The following TMEM232 variants were observed in gnomAD, a reference collection of about 807,000 sequenced individuals.
TMEM232 encodes transmembrane protein 232.
A neutral mutation model predicts 78.8 loss-of-function variants in TMEM232; 80 were observed. That is an observed-to-expected ratio of 1.01 (90% CI 0.85 to 1.22). The LOEUF is 1.22. TMEM232 is among the 50% of genes most tolerant of loss of function. The probability of loss-of-function intolerance (pLI) is 0.00; values close to 1 mark genes in which losing one functional copy is unlikely to be tolerated. For synonymous variants in TMEM232, 297 were observed against 254.3 expected (o/e 1.17, Z -1.60); for missense variants, 881 against 742.2 (o/e 1.19, Z -2.17).
intron 1 of TMEM232, among the ~76,000 whole-genome samples, chr5:110,707,912 C>A (rs1223565059): frequency 1.3e-5 from 2 of 152,128 alleles, no homozygotes. Flanking sequence ...CACCCCGGGC[C>A]AAAAGGAAAC....
intron 12 of TMEM232, among the ~76,000 whole-genome samples, chr5:110,443,169 A>T (rs1759254988): frequency 6.6e-6 from 1 of 152,066 alleles, no homozygotes; most frequent in Non-Finnish European, 1.5e-5. Context: ...TCCCTTCAGG[A>T]CATTGTGCTC....
At chr5:110,438,631 C>G (rs1445956674) in intron 12 of TMEM232, among the ~76,000 whole-genome samples, 1 of 151,954 alleles carries the variant, frequency 6.6e-6, no homozygotes, top group Admixed American at 6.6e-5. Flanking sequence ...TTTCCGCAAG[C>G]AGAATTTGCA....
chr5:110,671,478 G>A (rs1268055784), intron 1 of TMEM232, among the ~76,000 whole-genome samples: 2 of 152,128 alleles, frequency 1.3e-5, no homozygotes, highest in Non-Finnish European at 2.9e-5. Flanking sequence ...ATTCACAATA[G>A]CACAGACTTG....
At chr5:110,659,181 A>C (rs1005195098) in intron 2 of TMEM232, among the ~76,000 whole-genome samples, 5 of 152,166 alleles carry the variant, frequency 3.3e-5, no homozygotes, top group African/African-American at 1.2e-4. Context: ...TCAGTGGATA[A>C]ATTAATAATC....
At chr5:110,649,458 G>C (rs1787986372) in intron 2 of TMEM232, among the ~76,000 whole-genome samples, 1 of 151,958 alleles carries the variant, frequency 6.6e-6, no homozygotes, top group Non-Finnish European at 1.5e-5. Context: ...AAATATACAA[G>C]TGTTTATACT....
At chr5:110,505,836 A>G (rs1766823427) in intron 12 of TMEM232, among the ~76,000 whole-genome samples, 1 of 152,070 alleles carries the variant, frequency 6.6e-6, no homozygotes, top group Admixed American at 6.6e-5. Context: ...ATACTCACAT[A>G]ATTATACAAA....
At chr5:110,492,017 A>T (rs144250922) in intron 12 of TMEM232, among the ~76,000 whole-genome samples, 71 of 152,052 alleles carry the variant, frequency 4.7e-4, no homozygotes, top group South Asian at 4.1e-3. Context: ...CTTCAGTGCA[A>T]TCATACAGAC....
intron 1 of TMEM232, among the ~76,000 whole-genome samples, chr5:110,722,451 G>C (rs1327832989): frequency 6.6e-6 from 1 of 152,106 alleles, no homozygotes; most frequent in African/African-American, 2.4e-5. Flanking sequence ...AGGATTGTAG[G>C]ATCCACTTCC....
chr5:110,490,201 T>C (rs1332255845), intron 12 of TMEM232, among the ~76,000 whole-genome samples: 1 of 147,784 alleles, frequency 6.8e-6, no homozygotes, highest in Non-Finnish European at 1.5e-5. Context: ...AAAAGTTAAT[T>C]GTATTGCTAT....
intron 3 of TMEM232, among the ~76,000 whole-genome samples, chr5:110,641,841 T>C (rs983230345): frequency 6.6e-6 from 1 of 152,190 alleles, no homozygotes; most frequent in Non-Finnish European, 1.5e-5. Context: ...ATTAATGTCA[T>C]ATTCTTAACG....
At chr5:110,515,122 T>A (rs1405332833) in intron 12 of TMEM232, among the ~76,000 whole-genome samples, 4 of 152,158 alleles carry the variant, frequency 2.6e-5, no homozygotes, top group Non-Finnish European at 5.9e-5. Flanking sequence ...ATTAACCTCA[T>A]CAAAACTCAA....
chr5:110,440,229 T>A (rs547670276), intron 12 of TMEM232, among the ~76,000 whole-genome samples: 1 of 152,126 alleles, frequency 6.6e-6, no homozygotes, highest in South Asian at 2.1e-4. Context: ...AGAACAAGTG[T>A]AACTTCTATT....
Position 110,542,657 on chromosome 5 carries a change from G to A in TMEM232, c.1456-13822C>T, listed in dbSNP as rs1421220393. Among the ~76,000 whole-genome samples, 12 of 152,042 alleles carry A rather than the reference G, an allele frequency of 7.9e-5. 1 individual carries two copies. Among genetic ancestry groups the A allele is most frequent in the Admixed American group, 7.2e-4 (11 of 15,242 alleles). On this transcript the variant is annotated intron_variant, in intron 11 of 13. Transcript: ENST00000455884. ...TATGGGGATTGTGTCTCTCAGGGGG[G>A]AAATGAGGCAAGAGAATAAGGTCTG...
In TMEM232 at chr5:110,646,626, T is replaced by C. The variant is rs114402964; in HGVS notation, c.126-4255A>G. 2.2e-3 allele frequency among the ~76,000 whole-genome samples: 334 copies of C among 151,912 alleles called. 2 individuals are homozygous for C. Among genetic ancestry groups the C allele is most frequent in the African/African-American group, 7.7e-3 (318 of 41,528 alleles). On this transcript the variant is annotated intron_variant, in intron 2 of 13. Coordinates refer to ENST00000455884, the MANE Select transcript of TMEM232 (RefSeq NM_001039763.4). ...AAAGAATGCATAGGGAATATACTTCTTGATATTGGTCTTCGCAATAATTTC... is the reference window on the plus strand; with the variant it reads ...AAAGAATGCATAGGGAATATACTTCCTGATATTGGTCTTCGCAATAATTTC...
At chr5:110,670,763 A>T (rs1791251017) in intron 1 of TMEM232, among the ~76,000 whole-genome samples, 3 of 152,246 alleles carry the variant, frequency 2.0e-5, no homozygotes, top group African/African-American at 7.2e-5. Flanking sequence ...AGCTAACAAC[A>T]TCACTGGGCA....
In TMEM232 at chr5:110,546,064, C is replaced by T. The variant is rs566627303; in HGVS notation, c.1456-17229G>A. 3.3e-5 allele frequency among the ~76,000 whole-genome samples: 5 copies of T among 152,172 alleles called. No homozygotes were observed. The South Asian group carries it at 1.0e-3, about 32-fold the overall frequency. The stretch of plus-strand genomic sequence containing the variant: ...TATATTGAATTTGTCACATGAAGGG[C>T]TCATATTTCAGGATCTATTCACAAT... On this transcript the variant is annotated intron_variant, in intron 11 of 13. Transcript: ENST00000455884.
intron 8 of TMEM232, among the ~76,000 whole-genome samples, chr5:110,609,257 C>T (rs1026112164): frequency 3.9e-5 from 6 of 151,970 alleles, no homozygotes; most frequent in Admixed American, 2.6e-4. Context: ...AGAGACATCA[C>T]TAATAATAGC....
chr5:110,452,433 T>C (rs1760410508), intron 12 of TMEM232, among the ~76,000 whole-genome samples: 1 of 152,194 alleles, frequency 6.6e-6, no homozygotes. Context: ...TTTTGTAGCA[T>C]GTGAAGAACA....
intron 12 of TMEM232, among the ~76,000 whole-genome samples, chr5:110,508,764 A>C (rs1296460781): frequency 2.7e-5 from 4 of 149,698 alleles, no homozygotes; most frequent in Non-Finnish European, 4.4e-5. Context: ...AAAGAGAGTA[A>C]TCCCCTAAAT....
Sources: allele counts gnomAD v4.1 joint callset (sites outside exome capture counted in the v4.1 genomes callset), GRCh38; gene constraint gnomAD v4.1.1; transcripts MANE v1.5; gene names NCBI Gene and HGNC (gene_info 2026-07-23, HGNC 2026-07-21).